Variants in TMEM117 observed in about 807,000 individuals in gnomAD.
TMEM117 encodes transmembrane protein 117.
Under a neutral mutation model 52.4 loss-of-function variants are expected in TMEM117, and 27 were observed. The observed-to-expected ratio is 0.51, with a 90% CI of 0.38 to 0.71. The LOEUF (loss-of-function observed/expected upper bound fraction) is 0.71, where lower values mean the gene tolerates loss of function less well. TMEM117 is among the 30% of genes least tolerant of loss of function. TMEM117 has a pLI of 0.00. For missense variants in TMEM117, 556 were observed against 630.5 expected, an observed-to-expected ratio of 0.88 and a Z score of 1.26; for synonymous variants, 215 against 206.3, an observed-to-expected ratio of 1.04 and a Z score of -0.36.
intron 2 of TMEM117, among the ~76,000 whole-genome samples, chr12:43,925,988 CAT>C (rs1008117256): frequency 3.3e-5 from 5 of 152,164 alleles, no homozygotes; most frequent in African/African-American, 1.2e-4. Flanking sequence ...CAACACAGAA[CAT>C]ATTAAACATA....
intron 3 of TMEM117, among the ~76,000 whole-genome samples, chr12:43,988,558 G>A (rs1410786967): frequency 1.3e-5 from 2 of 152,024 alleles, no homozygotes; most frequent in African/African-American, 4.8e-5. Flanking sequence ...TAATGCATTG[G>A]AAAATTCTAC....
intron 2 of TMEM117, among the ~76,000 whole-genome samples, chr12:43,851,025 T>C (rs945470499): frequency 6.6e-6 from 1 of 152,204 alleles, no homozygotes; most frequent in East Asian, 1.9e-4. Context: ...TTCTTTTTTT[T>C]ATATAATTCT....
intron 4 of TMEM117, among the ~76,000 whole-genome samples, chr12:44,172,363 T>C (rs2138287199): frequency 6.6e-6 from 1 of 152,304 alleles, no homozygotes; most frequent in East Asian, 1.9e-4. Context: ...TAGCTTCTGA[T>C]GGCTTGAGAC....
intron 7 of TMEM117, among the ~76,000 whole-genome samples, chr12:44,378,563 T>G (rs912981503): frequency 6.6e-6 from 1 of 152,182 alleles, no homozygotes; most frequent in Admixed American, 6.5e-5. Flanking sequence ...CCATTTGAAC[T>G]AAAACCCTCT....
At chr12:44,301,094 A>G (rs551365033) in intron 6 of TMEM117, among the ~76,000 whole-genome samples, 56 of 152,338 alleles carry the variant, frequency 3.7e-4, no homozygotes, top group Middle Eastern at 3.4e-3. Context: ...CAATGGTATT[A>G]GTAGCCCAGT....
intron 2 of TMEM117, among the ~76,000 whole-genome samples, chr12:43,923,051 G>C (rs961101765): frequency 6.6e-6 from 1 of 152,148 alleles, no homozygotes; most frequent in South Asian, 2.1e-4. Context: ...AGCAGAATTT[G>C]GAGTGCTGCC....
intron 5 of TMEM117, among the ~76,000 whole-genome samples, chr12:44,293,088 A>G (rs1003752658): frequency 3.3e-5 from 5 of 151,644 alleles, no homozygotes; most frequent in East Asian, 3.9e-4. Context: ...GTTGCCTTGT[A>G]TGTTTAGATG....
At position 44,214,464 on chromosome 12, in the gene TMEM117, G is replaced by A. The variant is rs375798608; in HGVS notation, c.608+3077G>A. On this transcript the variant is annotated intron_variant, in intron 5 of 7. Transcript: ENST00000266534. ...ATTACAGGTGTGAGCCACCACACCC[G>A]GCCTCAAATGGGTTTATTTTTAACA... Among the ~76,000 whole-genome samples the A allele has an allele frequency of 8.9e-4, 135 of 152,048 alleles. 2 individuals carry two copies. The East Asian group carries it at 0.022, about 25-fold the overall frequency.
intron 3 of TMEM117, among the ~76,000 whole-genome samples, chr12:43,987,812 C>A (rs1229083449): frequency 6.6e-6 from 1 of 152,094 alleles, no homozygotes; most frequent in Non-Finnish European, 1.5e-5. Context: ...TTATTGATTT[C>A]TGAGCTCTGT....
chr12:44,396,640 G>A, the TMEM117 span, among the ~76,000 whole-genome samples: 4 of 152,084 alleles, frequency 2.6e-5, no homozygotes, highest in African/African-American at 7.2e-5. Context: ...GATCACTTAA[G>A]GTCAGGAGTT....
chr12:44,272,871 G>T (rs1592655985), intron 5 of TMEM117, among the ~76,000 whole-genome samples: 1 of 152,220 alleles, frequency 6.6e-6, no homozygotes, highest in South Asian at 2.1e-4. Flanking sequence ...CCATTACTGG[G>T]TATATACCCA....
chr12:44,005,191 G>GA (rs1946174989), intron 3 of TMEM117, among the ~76,000 whole-genome samples: 1 of 152,184 alleles, frequency 6.6e-6, no homozygotes, highest in South Asian at 2.1e-4. Flanking sequence ...ATTCTTGGTA[G>GA]AAAAAATACC....
chr12:44,276,554 AATAG>A lies in TMEM117; in HGVS notation c.609-23023_609-23020del, dbSNP rs549086975. 1.7e-3 allele frequency among the ~76,000 whole-genome samples: 253 copies of A among 152,220 alleles called. 1 individual carries two copies. Among genetic ancestry groups the A allele is most frequent in the Admixed American group, 3.5e-3 (54 of 15,290 alleles). ...TCAGTTAGGCAGGAGGAAGAAGTTTAATAGATCTACTGTATACCATGGTACCTAT... is the reference window on the plus strand; with the variant it reads ...TCAGTTAGGCAGGAGGAAGAAGTTTAATCTACTGTATACCATGGTACCTAT... On this transcript the variant is annotated intron_variant, in intron 5 of 7. Coordinates refer to ENST00000266534, the MANE Select transcript of TMEM117 (RefSeq NM_032256.3).
Position 44,006,261 on chromosome 12 carries a change from G to A in TMEM117, c.410+61919G>A, listed in dbSNP as rs533844344. On this transcript the variant is annotated intron_variant, in intron 3 of 7. Transcript: ENST00000266534. ...CTTCTTCATGTCATTTTGTATGTCTGTGTAGACAGAGTCGGCAAGAAGGGA... is the reference window on the plus strand; with the variant it reads ...CTTCTTCATGTCATTTTGTATGTCTATGTAGACAGAGTCGGCAAGAAGGGA... 2.0e-5 allele frequency among the ~76,000 whole-genome samples: 3 copies of A among 152,352 alleles called. No homozygotes were observed. The South Asian group carries it at 6.2e-4, about 32-fold the overall frequency.
chr12:44,051,260 T>G (rs1181548824), intron 3 of TMEM117, among the ~76,000 whole-genome samples: 4 of 152,106 alleles, frequency 2.6e-5, no homozygotes, highest in African/African-American at 9.7e-5. Flanking sequence ...TAAACCCTCC[T>G]CCAACTCATA....
chr12:43,963,378 AAG>A (rs1193163431), intron 3 of TMEM117, among the ~76,000 whole-genome samples: 1 of 152,212 alleles, frequency 6.6e-6, no homozygotes, highest in Non-Finnish European at 1.5e-5. Flanking sequence ...ATGAGTAACA[AAG>A]AGATACATTT....
At chr12:43,961,429 A>T (rs10748383) in intron 3 of TMEM117, among the ~76,000 whole-genome samples, 145,163 of 152,236 alleles carry the variant, frequency 0.95, 69,595 homozygotes, top group East Asian at 1. Context: ...TAAATAGGAA[A>T]GTCTTATGCC....
chr12:44,348,978 C>G (rs768110030), intron 6 of TMEM117, among the ~76,000 whole-genome samples: 6 of 151,970 alleles, frequency 3.9e-5, no homozygotes, highest in Non-Finnish European at 7.4e-5. Context: ...GCTTGAAGTT[C>G]TACACCAGTG....
At chr12:44,264,233 C>T (rs1448992362) in intron 5 of TMEM117, among the ~76,000 whole-genome samples, 1 of 152,086 alleles carries the variant, frequency 6.6e-6, no homozygotes, top group Non-Finnish European at 1.5e-5. Context: ...TGGATGATCT[C>T]CCACTAGCTG....
Sources: gnomAD v4.1 joint callset for allele counts (sites outside exome capture counted in the v4.1 genomes callset) on GRCh38, gnomAD v4.1.1 for gene constraint, MANE v1.5 for transcripts, NCBI Gene and HGNC (gene_info 2026-07-23, HGNC 2026-07-21) for gene names.